BSN: variants seen among roughly 807,000 people sequenced by gnomAD.
BSN encodes the protein bassoon presynaptic cytomatrix protein.
BSN carries 57 observed loss-of-function variants against 264.8 expected under a neutral mutation model. That is an observed-to-expected ratio of 0.22 (90% CI 0.17 to 0.27). The LOEUF (loss-of-function observed/expected upper bound fraction) is 0.27, where lower values mean the gene tolerates loss of function less well. BSN is among the 10% of genes least tolerant of loss of function. The pLI is 1.00. For synonymous variants in BSN, 2,059 were observed against 2,137.3 expected (o/e 0.96, Z 1.01); for missense variants, 4,615 against 5,232.5 (o/e 0.88, Z 3.64).
chr3:49,663,241 G>C lies in BSN; in HGVS notation c.11083G>C (p.Gly3695Arg). The part of the protein sequence containing the change: ...PSSAPAMPKK[G>R]QPGYPSSAEY... ...CTCTGCTCCAGCTATGCCGAAGAAG[G>C]GTCAGCCTGGGTATCCCAGCTCTGC... Residue 3695 changes from glycine (G) to arginine (R), a missense_variant, in exon 7 of 12, where the codon GGT becomes CGT. Physicochemically the swap from Gly to Arg is moderately radical, Grantham distance 125. Around this residue, in one of 3 missense-constraint regions of BSN, gnomAD observed 3,415 missense variants for 3,866.4 expected, o/e 0.88. Coordinates refer to ENST00000296452, the MANE Select transcript of BSN (RefSeq NM_003458.4). The C allele has an allele frequency of 3.7e-6, 6 of 1,614,124 alleles. No individual in the cohort carries two copies. The highest frequency in any genetic ancestry group is 5.1e-6 in the Non-Finnish European group (6 of 1,180,022).
chr3:49,662,496 C>G lies in BSN; in HGVS notation c.10651C>G (p.His3551Asp), dbSNP rs761359214. 9.3e-6 allele frequency: 15 copies of G among 1,613,346 alleles called. No individual in the cohort carries two copies. The highest frequency in any genetic ancestry group is 8.5e-7 in the Non-Finnish European group (1 of 1,179,888). The change falls in exon 6 of 12, where the codon CAC (histidine) becomes GAC (aspartate). Residue 3551 changes from histidine to aspartate, a missense_variant. By Grantham distance (81) the His-to-Asp change is moderately conservative. Transcript: ENST00000296452. ...ACATGTCAAGGACGGACCTCGGGCC[C>G]ACGCATATAAGCGTGAGGAGGGCTA... is the stretch of plus-strand genomic sequence containing the variant. ...QEHVKDGPRA[H>D]AYKREEGYIL...
chr3:49,664,665 C>T (rs1350433778), intron 9 of BSN, 111 bp downstream of exon 9: 1 of 1,535,666 alleles, frequency 6.5e-7, no homozygotes, highest in African/African-American at 1.4e-5. Flanking sequence ...AGAGAGCCCA[C>T]CTGCTGATGC....
At position 49,642,116 on chromosome 3, in the gene BSN, C is replaced by A; in HGVS notation, c.634-152C>A. On this transcript the variant is annotated intron_variant, in intron 2 of 11. Transcript: ENST00000296452. The surrounding 1 kb of genome is among the most constrained non-coding windows in gnomAD (Gnocchi z 7.0). ...GGGGAGTGCCATCTGTCCTTCAGCC[C>A]TGCCACCTGGCAGCCCAGAAATGCC... 1.7e-6 allele frequency: 1 copy of A among 572,222 alleles called. No homozygotes were observed. Among genetic ancestry groups the A allele is most frequent in the Non-Finnish European group, 2.8e-6 (1 of 357,380 alleles). The allele number at this position is 572,222 out of a possible 1,614,324, so 35.4% of individuals were successfully genotyped here.
At chr3:49,622,043 A>G (rs754674718) in intron 1 of BSN, among the ~76,000 whole-genome samples, 1 of 152,142 alleles carries the variant, frequency 6.6e-6, no homozygotes, top group Non-Finnish European at 1.5e-5. Context: ...AAATGATCCA[A>G]TAGAGAGGGG....
At position 49,654,048 on chromosome 3, in the gene BSN, C is replaced by G; in HGVS notation, c.4492C>G (p.Pro1498Ala). 1 of 1,613,832 alleles carries G rather than the reference C, an allele frequency of 6.2e-7. No individual in the cohort carries two copies. The highest frequency in any genetic ancestry group is 8.5e-7 in the Non-Finnish European group (1 of 1,179,952). The change falls in exon 5 of 12, where the codon CCA (proline) becomes GCA (alanine). Residue 1498 changes from proline to alanine, a missense_variant. Physicochemically the swap from Pro to Ala is conservative, Grantham distance 27. Coordinates refer to ENST00000296452, the MANE Select transcript of BSN (RefSeq NM_003458.4). This position sits in a 1 kb window ranked among gnomAD's most constrained non-coding sequence, Gnocchi z 4.1. ...CACATTCTCCCCTGGCAAGATGGGC[C>G]CAAGGGCCACAGCAGAGTTCTCTAC... The part of the protein sequence containing the change: ...SPTFSPGKMG[P>A]RATAEFSTQT...
chr3:49,650,566 A>G, intron 3 of BSN, 46 bp from the exon 4 acceptor site: 1 of 1,493,930 alleles, frequency 6.7e-7, no homozygotes, highest in Non-Finnish European at 9.1e-7. Flanking sequence ...TGAGGACTTC[A>G]GTGTCTTTTT....
chr3:49,660,720 C>T lies in BSN; in HGVS notation c.8875C>T (p.Arg2959Cys), dbSNP rs1323972328. 5 of 1,613,048 alleles carry T rather than the reference C, an allele frequency of 3.1e-6. No homozygotes were observed. The highest frequency in any genetic ancestry group is 2.7e-5 in the African/African-American group (2 of 75,048). The change falls in exon 6 of 12, where the codon CGC becomes TGC. Residue 2959 changes from arginine to cysteine, a missense_variant. Coordinates refer to ENST00000296452, the MANE Select transcript of BSN (RefSeq NM_003458.4). The surrounding 1 kb of genome is among the most constrained non-coding windows in gnomAD (Gnocchi z 7.1). ...RLVEHESTKL[R>C]KKQAELDEEE... ...GGTGGAGCATGAGTCCACCAAACTG[C>T]GCAAGAAGCAGGCAGAGCTGGATGA... is the stretch of plus-strand genomic sequence containing the variant.
chr3:49,601,048 G>A (rs894154728), intron 1 of BSN, among the ~76,000 whole-genome samples: 1 of 152,154 alleles, frequency 6.6e-6, no homozygotes, highest in African/African-American at 2.4e-5. Context: ...CCATCCCCAA[G>A]GCTTAGTCAA....
chr3:49,661,135 G>A lies in BSN; in HGVS notation c.9290G>A (p.Gly3097Asp). The A allele has an allele frequency of 6.2e-7, 1 of 1,612,450 alleles. No individual in the cohort carries two copies. Among genetic ancestry groups the A allele is most frequent in the African/African-American group, 1.3e-5 (1 of 74,670 alleles). The change falls in exon 6 of 12, where the codon GGT (glycine) becomes GAT (aspartate). Residue 3097 changes from glycine to aspartate, a missense_variant. By Grantham distance (94) the Gly-to-Asp change is moderately conservative. Transcript: ENST00000296452. The stretch of plus-strand genomic sequence containing the variant: ...TACCCAGCTCCTGCCTTTCCTCCTG[G>A]TGCCAGTTACCCAGCTGAGCCTGGC... ...STYPAPAFPP[G>D]ASYPAEPGLP...
At chr3:49,628,253 G>A in intron 2 of BSN, among the ~76,000 whole-genome samples, 1 of 147,884 alleles carries the variant, frequency 6.8e-6, no homozygotes, top group Non-Finnish European at 1.5e-5. Context: ...GATCTGGAGT[G>A]TGATTGAACA....
chr3:49,588,527 A>C (rs1044529902), intron 1 of BSN, among the ~76,000 whole-genome samples: 1 of 152,176 alleles, frequency 6.6e-6, no homozygotes, highest in Non-Finnish European at 1.5e-5. Flanking sequence ...TTTCAGCATC[A>C]ATTGAAATGA....
At chr3:49,613,444 C>A (rs2052228248) in intron 1 of BSN, among the ~76,000 whole-genome samples, 1 of 151,166 alleles carries the variant, frequency 6.6e-6, no homozygotes, top group Middle Eastern at 3.4e-3. Flanking sequence ...AAAGTGTAAA[C>A]CCAGAATTTA....
chr3:49,566,865 GT>G (rs36077279), intron 1 of BSN, among the ~76,000 whole-genome samples: 5 of 145,738 alleles, frequency 3.4e-5, no homozygotes, highest in Non-Finnish European at 3.0e-5. Flanking sequence ...GTCCTTATCA[GT>G]TTTTTTTTTG....
At chr3:49,623,191 A>G (rs1028205942) in intron 1 of BSN, among the ~76,000 whole-genome samples, 1 of 151,998 alleles carries the variant, frequency 6.6e-6, no homozygotes, top group Non-Finnish European at 1.5e-5. Flanking sequence ...TGGCCTTCAG[A>G]TGGGGGCAGC....
rs1575449382 is a variant in BSN, at chr3:49,655,138, A to G, written c.5582A>G (p.His1861Arg). Residue 1861 changes from histidine (H) to arginine (R), a missense_variant, in exon 5 of 12, where the codon CAC (histidine) becomes CGC (arginine). Physicochemically the swap from His to Arg is conservative, Grantham distance 29 (BLOSUM62 0). This residue lies in a region of BSN where 3,415 missense variants were observed against 3,866.4 expected (regional missense o/e 0.88). Coordinates refer to ENST00000296452, the MANE Select transcript of BSN (RefSeq NM_003458.4). ...SHALPGARKP[H>R]TVVVQMGEGT... ...GCTCTGCCAGGTGCCAGGAAGCCACACACAGTGGTGGTGCAGATGGGAGAG... is the reference window on the plus strand; with the variant it reads ...GCTCTGCCAGGTGCCAGGAAGCCACGCACAGTGGTGGTGCAGATGGGAGAG... The G allele has an allele frequency of 6.2e-7, 1 of 1,612,478 alleles. No individual in the cohort carries two copies.
At chr3:49,644,408 C>T (rs1490323973) in intron 3 of BSN, among the ~76,000 whole-genome samples, 2 of 152,140 alleles carry the variant, frequency 1.3e-5, no homozygotes, top group Non-Finnish European at 2.9e-5. Flanking sequence ...CGTGGGACCC[C>T]AGCATGACTA....
chr3:49,594,730 T>C (rs1367250368), intron 1 of BSN, among the ~76,000 whole-genome samples: 1 of 152,216 alleles, frequency 6.6e-6, no homozygotes, highest in Non-Finnish European at 1.5e-5. Context: ...GAGATTTTGA[T>C]AGGAATTGAA....
rs1362626844 is a variant in BSN at position 49,654,033 on chromosome 3, C to T, written c.4477C>T (p.Pro1493Ser). 6.2e-7 allele frequency: 1 copy of T among 1,613,870 alleles called. No individual in the cohort carries two copies. The highest frequency in any genetic ancestry group is 8.5e-7 in the Non-Finnish European group (1 of 1,179,964). Residue 1493 changes from proline to serine, a missense_variant, in exon 5 of 12, where the codon CCT becomes TCT. Coordinates refer to ENST00000296452, the MANE Select transcript of BSN (RefSeq NM_003458.4). This position sits in a 1 kb window ranked among gnomAD's most constrained non-coding sequence, Gnocchi z 4.1. The stretch of plus-strand genomic sequence containing the variant: ...CCCCTCAGAGAGTCCCACATTCTCC[C>T]CTGGCAAGATGGGCCCAAGGGCCAC... ...SSPSESPTFS[P>S]GKMGPRATAE...
intron 1 of BSN, 120 bp from the exon 2 acceptor site, chr3:49,624,855 T>C: frequency 2.1e-6 from 2 of 937,516 alleles, no homozygotes; most frequent in Non-Finnish European, 3.1e-6. Flanking sequence ...ATGATGATTC[T>C]TCTGGGCAGG....
Sources: allele counts gnomAD v4.1 joint callset (sites outside exome capture counted in the v4.1 genomes callset), GRCh38; gene constraint gnomAD v4.1.1; regional missense constraint gnomAD v4.1.1; non-coding constraint Gnocchi (gnomAD v3.1); transcripts MANE v1.5; gene names NCBI Gene and HGNC (gene_info 2026-07-23, HGNC 2026-07-21).